Variants in TM2D3 observed in about 807,000 individuals in gnomAD.
The protein encoded by TM2D3 is TM2 domain-containing protein 3.
A neutral mutation model predicts 27.3 loss-of-function variants in TM2D3; 33 were observed. That is an observed-to-expected ratio of 1.21 (90% confidence interval 0.92 to 1.61). TM2D3 has a LOEUF of 1.61. TM2D3 is among the 40% of genes most tolerant of loss of function. The pLI is 0.00. For missense variants in TM2D3, 364 were observed against 320.8 expected (o/e 1.13, Z -1.03); for synonymous variants, 138 against 122.2 (o/e 1.13, Z -0.85).
intron 3 of TM2D3, chr15:101,648,311 A>ATTCTTTTTCTTATCAATT (rs1896871995): frequency 6.6e-6 from 1 of 152,228 alleles, no homozygotes; most frequent in Non-Finnish European, 1.5e-5. Context: ...TGAAGCAAGT[A>ATTCTTTTTCTTATCAATT]CTATTCATTT....
chr15:101,636,871 T>A (rs768352702), downstream of TM2D3: 1 of 425,574 alleles, frequency 2.3e-6, no homozygotes, highest in South Asian at 1.7e-5. Context: ...AGAGACAGTG[T>A]CTCGCTCTGT....
downstream of TM2D3, among the ~76,000 whole-genome samples, chr15:101,641,384 T>C (rs112392950): frequency 0.045 from 6,780 of 152,238 alleles, 210 homozygotes; most frequent in Non-Finnish European, 0.067. Context: ...GTCACTCAAC[T>C]AAGAAAAGGA....
chr15:101,650,710 TAC>T (rs956843615), intron 2 of TM2D3: 6 of 152,152 alleles, frequency 3.9e-5, no homozygotes, highest in African/African-American at 1.5e-4. Context: ...ATATAATATT[TAC>T]AGTTTTACGC....
intron 4 of TM2D3, chr15:101,634,745 C>G (rs561800820): frequency 6.6e-6 from 1 of 152,340 alleles, no homozygotes; most frequent in South Asian, 2.1e-4. Flanking sequence ...ATTTTATTCT[C>G]TTACCACAGT....
At chr15:101,638,802 T>A (rs570808552), downstream of TM2D3, among the ~76,000 whole-genome samples, 2 of 152,170 alleles carry the variant, frequency 1.3e-5, no homozygotes, top group African/African-American at 2.4e-5. Flanking sequence ...TTTCCTACAG[T>A]GTGTTTATCA....
rs1289679404 is a variant in TM2D3, at chr15:101,642,378, G to A, written c.*101C>T. 20 of 1,401,706 alleles carry A rather than the reference G, an allele frequency of 1.4e-5. No individual in the cohort carries two copies. The highest frequency in any genetic ancestry group is 1.7e-5 in the Non-Finnish European group (18 of 1,072,494). The allele number at this position is 1,401,706 out of a possible 1,614,324, so 86.8% of individuals were successfully genotyped here. On this transcript the variant is annotated 3_prime_UTR_variant, in exon 6 of 6. Transcript: ENST00000333202. ...TCAAGGCAAACAAAGTACAGATGCT[G>A]TACATTAAAAACATAGAAATATATC...
chr15:101,650,098 G>A lies in TM2D3; in HGVS notation c.233C>T (p.Pro78Leu), dbSNP rs1188654095. The A allele has an allele frequency of 1.9e-6, 3 of 1,614,160 alleles. No individual in the cohort carries two copies. Among genetic ancestry groups the A allele is most frequent in the Non-Finnish European group, 2.5e-6 (3 of 1,179,990 alleles). Residue 78 changes from proline (P) to leucine (L), a missense_variant, in exon 3 of 6, where the codon CCT becomes CTT. Transcript: ENST00000333202. Reference sequence around the variant, plus strand: ...TGTTGTGCAGTCTATACAGTCTGCAGGAAGCCTGCTACACAAACCATTGCT... The same window carrying A: ...TGTTGTGCAGTCTATACAGTCTGCAAGAAGCCTGCTACACAAACCATTGCT... Reference protein sequence around the residue: ...CPSNGLCSRLPADCIDCTTNF... With the variant: ...CPSNGLCSRLLADCIDCTTNF...
intron 2 of TM2D3, chr15:101,651,333 T>C (rs1596269277): frequency 4.0e-6 from 1 of 247,378 alleles, no homozygotes; most frequent in Non-Finnish European, 8.0e-6. Flanking sequence ...TCCACAGTCC[T>C]GAGGGAGCCT....
rs1308798634 is a variant in TM2D3, at chr15:101,651,744, T to C, written c.121A>G (p.Lys41Glu). The C allele has an allele frequency of 3.1e-6, 5 of 1,614,088 alleles. No individual in the cohort carries two copies. The highest frequency in any genetic ancestry group is 3.4e-6 in the Non-Finnish European group (4 of 1,180,042). Residue 41 changes from lysine to glutamate, a missense_variant, in exon 2 of 6, where the codon AAG (lysine) becomes GAG (glutamate). Lys to Glu is a moderately conservative substitution (Grantham distance 56). Coordinates refer to ENST00000333202, the MANE Select transcript of TM2D3 (RefSeq NM_078474.3). The stretch of plus-strand genomic sequence containing the variant: ...AATGTGCGTGTTGGGCCCGGATCCT[T>C]TATTGACTGAGCCAGCGCCTGCGAT... ...EQSQALAQSI[K>E]DPGPTRTFTV... is the part of the protein sequence containing the mutation.
chr15:101,643,729 G>T (rs192892920), intron 5 of TM2D3, among the ~76,000 whole-genome samples: 1 of 151,496 alleles, frequency 6.6e-6, no homozygotes, highest in Non-Finnish European at 1.5e-5. Context: ...ACCAGGTTAG[G>T]GGTATATAAG....
downstream of TM2D3, among the ~76,000 whole-genome samples, chr15:101,640,044 G>A (rs1425679215): frequency 6.6e-6 from 1 of 152,194 alleles, no homozygotes; most frequent in Admixed American, 6.5e-5. Context: ...AATTCTGAGT[G>A]TCTAGAGAAC....
chr15:101,639,486 A>T (rs895927058), downstream of TM2D3, among the ~76,000 whole-genome samples: 2 of 151,710 alleles, frequency 1.3e-5, no homozygotes, highest in Non-Finnish European at 2.9e-5. Context: ...CTCATTTTCC[A>T]CTCATTGCTT....
At chr15:101,642,742 G>A (rs1263771836) in intron 5 of TM2D3, 98 bp from the exon 6 acceptor site, 7 of 1,046,556 alleles carry the variant, frequency 6.7e-6, no homozygotes, top group Admixed American at 3.3e-5. Context: ...TTGAGAAAGG[G>A]CTTCCCCTGA....
In TM2D3 at chr15:101,652,291, A is replaced by G. The variant is rs774941590; in HGVS notation, c.71T>C (p.Phe24Ser). 1.0e-5 allele frequency: 16 copies of G among 1,604,966 alleles called. No individual in the cohort carries two copies. In the African/African-American group the frequency reaches 2.2e-4, roughly 22 times the overall value. Residue 24 changes from phenylalanine (F) to serine (S), a missense_variant, in exon 1 of 6, where the codon TTC (phenylalanine) becomes TCC (serine). Phe to Ser is a radical substitution (Grantham distance 155). Transcript: ENST00000333202. Reference protein sequence around the residue: ...LCRVLLFLSQFCILSGGEQSQ... With the variant: ...LCRVLLFLSQSCILSGGEQSQ... ...CTCACCACCGCCCGACAGAATGCAGAACTGCGAGAGGAAGAGCAGCACGCG... is the reference window on the plus strand; with the variant it reads ...CTCACCACCGCCCGACAGAATGCAGGACTGCGAGAGGAAGAGCAGCACGCG...
downstream of TM2D3, among the ~76,000 whole-genome samples, chr15:101,641,023 G>A (rs769830708): frequency 6.6e-6 from 1 of 152,186 alleles, no homozygotes; most frequent in Non-Finnish European, 1.5e-5. Context: ...CACCTTGCAT[G>A]GTTGCTCAAC....
At chr15:101,646,359 G>A in intron 4 of TM2D3, 1 of 106,064 alleles carries the variant, frequency 9.4e-6, no homozygotes, top group Non-Finnish European at 2.4e-5. Flanking sequence ...AAATTCAAAA[G>A]GGTGGTTACC....
At chr15:101,643,639 A>C (rs1397530431) in intron 5 of TM2D3, among the ~76,000 whole-genome samples, 70 of 145,650 alleles carry the variant, frequency 4.8e-4, no homozygotes, top group African/African-American at 1.7e-3. Flanking sequence ...AAAAAAAAAA[A>C]CCATGTTGAG....
chr15:101,637,934 C>A (rs772802876), downstream of TM2D3, among the ~76,000 whole-genome samples: 7 of 152,168 alleles, frequency 4.6e-5, no homozygotes, highest in Non-Finnish European at 7.4e-5. Context: ...GTGTTCTATT[C>A]TACATTCCGT....
At position 101,642,015 on chromosome 15, in the gene TM2D3, A is replaced by G; in HGVS notation, c.*464T>C. On this transcript the variant is annotated 3_prime_UTR_variant, in exon 6 of 6. Transcript: ENST00000333202. ...CACTGCAAAACTTACACATGACTGA[A>G]GCTGAGCCTAATAACTTCAATTAGC... 1 of 986,244 alleles carries G rather than the reference A, an allele frequency of 1.0e-6. No homozygotes were observed. The highest frequency in any genetic ancestry group is 1.2e-6 in the Non-Finnish European group (1 of 830,264). 61.1% of individuals were successfully genotyped at this position (986,244 alleles called of 1,614,324 possible). A position where few individuals can be genotyped will look rare whatever the true frequency, so the allele number is the denominator to read the frequency against.
Sources: allele counts gnomAD v4.1 joint callset (sites outside exome capture counted in the v4.1 genomes callset), GRCh38; gene constraint gnomAD v4.1.1; transcripts MANE v1.5; gene names NCBI Gene and HGNC (gene_info 2026-07-23, HGNC 2026-07-21).